CTNNA2: variants seen among roughly 807,000 people sequenced by gnomAD.
CTNNA2 encodes the protein catenin alpha-2.
A neutral mutation model predicts 101.0 loss-of-function variants in CTNNA2; 42 were observed. The ratio of observed to expected loss-of-function variants is 0.42; its 90% CI spans 0.32 to 0.54. The LOEUF (loss-of-function observed/expected upper bound fraction) is 0.54. Among genes scored for constraint, CTNNA2 ranks in the 20% least tolerant of loss-of-function variants. The pLI is 0.14. For missense variants in CTNNA2, 871 were observed against 1,223.1 expected (o/e 0.71, Z 4.29); for synonymous variants, 450 against 456.4 (o/e 0.99, Z 0.18).
At chr2:80,153,839 T>C (rs1049238883) in intron 7 of CTNNA2, among the ~76,000 whole-genome samples, 2 of 152,206 alleles carry the variant, frequency 1.3e-5, no homozygotes, top group Non-Finnish European at 2.9e-5. Context: ...GAATGAATAG[T>C]AGTATTATTA....
intron 4 of CTNNA2, among the ~76,000 whole-genome samples, chr2:79,376,450 G>GT (rs1677975949): frequency 1.3e-4 from 8 of 61,390 alleles, no homozygotes; most frequent in African/African-American, 2.5e-4. Flanking sequence ...CTTGTTGGTT[G>GT]GTTTTGTTTT....
intron 18 of CTNNA2, among the ~76,000 whole-genome samples, chr2:80,646,098 A>AG (rs1674059104): frequency 6.6e-6 from 1 of 152,130 alleles, no homozygotes; most frequent in African/African-American, 2.4e-5. Flanking sequence ...TGCGTGGGAC[A>AG]TATTTTGTTA....
At chr2:80,026,491 C>T (rs1016920227) in intron 7 of CTNNA2, among the ~76,000 whole-genome samples, 3 of 152,042 alleles carry the variant, frequency 2.0e-5, no homozygotes, top group Non-Finnish European at 2.9e-5. Flanking sequence ...TTCCTGCTGG[C>T]TGTGGAGAGA....
intron 1 of CTNNA2, among the ~76,000 whole-genome samples, chr2:79,591,302 T>C (rs908523603): frequency 4.6e-5 from 7 of 152,158 alleles, no homozygotes; most frequent in African/African-American, 1.7e-4. Context: ...TGAAAATGGG[T>C]TGTGAAGACT....
chr2:79,929,525 T>A (rs1257853314), intron 7 of CTNNA2, among the ~76,000 whole-genome samples: 1 of 152,196 alleles, frequency 6.6e-6, no homozygotes, highest in Non-Finnish European at 1.5e-5. Flanking sequence ...TCTCTCTCAC[T>A]GGATTGTGTG....
chr2:80,350,291 G>T (rs1673162276), intron 7 of CTNNA2, among the ~76,000 whole-genome samples: 1 of 152,156 alleles, frequency 6.6e-6, no homozygotes, highest in Non-Finnish European at 1.5e-5. Flanking sequence ...CATTTACACA[G>T]ATTTCCGAAT....
At chr2:80,573,498 T>C (rs953099299) in intron 12 of CTNNA2, among the ~76,000 whole-genome samples, 1 of 152,082 alleles carries the variant, frequency 6.6e-6, no homozygotes, top group African/African-American at 2.4e-5. Context: ...TCTCCCTCTT[T>C]TCTATTACAC....
intron 7 of CTNNA2, among the ~76,000 whole-genome samples, chr2:80,104,046 A>G (rs1700718657): frequency 6.6e-6 from 1 of 152,206 alleles, no homozygotes; most frequent in African/African-American, 2.4e-5. Flanking sequence ...TATAACAGCT[A>G]TGTGAAGCAC....
At chr2:79,709,452 G>A (rs1031323279) in intron 2 of CTNNA2, among the ~76,000 whole-genome samples, 2 of 152,116 alleles carry the variant, frequency 1.3e-5, no homozygotes, top group Admixed American at 6.6e-5. Flanking sequence ...CAATATTTCT[G>A]TCAGTAATAT....
intron 1 of CTNNA2, among the ~76,000 whole-genome samples, chr2:79,612,443 A>T (rs1573475738): frequency 6.6e-6 from 1 of 152,190 alleles, no homozygotes; most frequent in East Asian, 1.9e-4. Context: ...ACAAACCAAC[A>T]TATGAGCACC....
intron 1 of CTNNA2, among the ~76,000 whole-genome samples, chr2:79,628,317 G>A (rs544597296): frequency 1.4e-4 from 22 of 152,086 alleles, no homozygotes; most frequent in Admixed American, 1.3e-3. Context: ...GCCAGGTGTG[G>A]TGGCGGGCAC....
chr2:79,249,705 T>G (rs7594788), intron 2 of CTNNA2, among the ~76,000 whole-genome samples: 33,432 of 152,090 alleles, frequency 0.22, 3,954 homozygotes, highest in Admixed American at 0.35. Context: ...TTGCATCCCT[T>G]TTTAACCTGA....
chr2:79,718,445 A>G (rs982801460), intron 2 of CTNNA2, among the ~76,000 whole-genome samples: 1 of 152,212 alleles, frequency 6.6e-6, no homozygotes, highest in Non-Finnish European at 1.5e-5. Context: ...GGTAATAAAC[A>G]GAAATAAAAA....
intron 7 of CTNNA2, among the ~76,000 whole-genome samples, chr2:80,253,821 A>G (rs1020909655): frequency 6.6e-6 from 1 of 152,192 alleles, no homozygotes; most frequent in African/African-American, 2.4e-5. Context: ...CAACAAGGCC[A>G]TTAGCCACTT....
chr2:80,220,780 A>C (rs560244412), intron 7 of CTNNA2, among the ~76,000 whole-genome samples: 1 of 152,302 alleles, frequency 6.6e-6, no homozygotes, highest in South Asian at 2.1e-4. Flanking sequence ...CTTTTCTGCT[A>C]TTTTAGAGTT....
intron 18 of CTNNA2, among the ~76,000 whole-genome samples, chr2:80,619,988 C>T (rs1218152530): frequency 6.6e-6 from 1 of 151,844 alleles, no homozygotes; most frequent in East Asian, 1.9e-4. Flanking sequence ...AAAAGATCAA[C>T]TGGAGCGGGC....
chr2:79,284,888 C>G (rs1285956366), intron 2 of CTNNA2, among the ~76,000 whole-genome samples: 4 of 138,198 alleles, frequency 2.9e-5, no homozygotes, highest in Non-Finnish European at 6.2e-5. Flanking sequence ...TCCATCTGGT[C>G]CTGGACTCTT....
At chr2:79,632,302 G>A (rs1055552601) in intron 1 of CTNNA2, among the ~76,000 whole-genome samples, 10 of 151,908 alleles carry the variant, frequency 6.6e-5, no homozygotes, top group African/African-American at 1.2e-4. Context: ...AATATTCCTC[G>A]ATAAAAATTG....
chr2:80,032,982 C>G (rs1440151271), intron 7 of CTNNA2, among the ~76,000 whole-genome samples: 3 of 151,844 alleles, frequency 2.0e-5, no homozygotes, highest in African/African-American at 7.3e-5. Context: ...GAAACCCCAT[C>G]TCTACCAAAA....
Sources: gnomAD v4.1 joint callset for allele counts (sites outside exome capture counted in the v4.1 genomes callset) on GRCh38, gnomAD v4.1.1 for gene constraint, MANE v1.5 for transcripts, NCBI Gene and HGNC (gene_info 2026-07-23, HGNC 2026-07-21) for gene names.